SECISBP2: variants seen among roughly 807,000 people sequenced by gnomAD.
SECISBP2 encodes the protein selenocysteine insertion sequence-binding protein 2.
Under a neutral mutation model 98.2 loss-of-function variants are expected in SECISBP2, and 96 were observed. The observed-to-expected ratio is 0.98, with a 90% confidence interval of 0.83 to 1.16. The LOEUF is 1.16. SECISBP2 is among the 50% of genes most tolerant of loss of function. The pLI is 0.00. For synonymous variants in SECISBP2, 407 were observed against 370.2 expected (o/e 1.10, Z -1.14); for missense variants, 1,046 against 1,022.9 (o/e 1.02, Z -0.31).
chr9:89,319,009 T>C lies in SECISBP2; in HGVS notation c.36+397T>C, dbSNP rs1825210091. The C allele has an allele frequency of 2.3e-5, 24 of 1,042,806 alleles. No individual in the cohort carries two copies. The South Asian group carries it at 8.5e-4, about 37-fold the overall frequency. 64.6% of individuals were successfully genotyped at this position (1,042,806 alleles called of 1,614,324 possible). ...CGCTCTACGTACTCAGCATTACCACTAGATGGAGCCCTGGCGATCGCTTGC... is the reference window on the plus strand; with the variant it reads ...CGCTCTACGTACTCAGCATTACCACCAGATGGAGCCCTGGCGATCGCTTGC... On this transcript the variant is annotated intron_variant, in intron 1 of 16. Coordinates refer to ENST00000375807, the MANE Select transcript of SECISBP2 (RefSeq NM_024077.5).
chr9:89,345,498 T>G (rs1170260572), intron 10 of SECISBP2, among the ~76,000 whole-genome samples: 1 of 152,216 alleles, frequency 6.6e-6, no homozygotes, highest in Non-Finnish European at 1.5e-5. Flanking sequence ...TAAGCACTCT[T>G]CGGTTTGTTG....
chr9:89,363,309 G>T (rs1175612731), downstream of SECISBP2: 1 of 1,427,812 alleles, frequency 7.0e-7, no homozygotes, highest in East Asian at 2.4e-5. Context: ...AACTGCTCCG[G>T]GGCTAAGAGG....
chr9:89,332,228 G>GCA (rs140202280), intron 5 of SECISBP2, among the ~76,000 whole-genome samples: 2,631 of 149,634 alleles, frequency 0.018, 56 homozygotes, highest in African/African-American at 0.053. Context: ...CCCCTTGCCT[G>GCA]CACACACACA....
intron 2 of SECISBP2, 117 bp downstream of exon 2, chr9:89,319,914 T>A (rs1175050220): frequency 4.5e-6 from 5 of 1,107,052 alleles, no homozygotes; most frequent in Non-Finnish European, 6.8e-6. Context: ...GAGAGAATGC[T>A]CTTCAACCAA....
At position 89,338,539 on chromosome 9, in the gene SECISBP2, A is replaced by T. The variant is rs1163265771; in HGVS notation, c.1171A>T (p.Lys391Ter). 1 of 1,613,098 alleles carries T rather than the reference A, an allele frequency of 6.2e-7. No individual in the cohort carries two copies. The highest frequency in any genetic ancestry group is 1.1e-5 in the South Asian group (1 of 90,894). The change falls in exon 8 of 17, where the codon AAA (lysine) becomes TAA (stop). Residue 391 changes from lysine (K) to a stop codon, truncating the protein, a stop_gained. Transcript: ENST00000375807. LOFTEE classifies it high-confidence loss of function. ...GAAAAAGAAAGAAAAATCTACATCA[A>T]AATATGAAGTCCTGACAGTTCAAGA... is the stretch of plus-strand genomic sequence containing the variant. The part of the protein sequence containing the change: ...NKKKKEKSTS[K>*]YEVLTVQEPP...
chr9:89,325,807 A>G, intron 3 of SECISBP2, 90 bp from the exon 4 acceptor site: 1 of 1,590,946 alleles, frequency 6.3e-7, no homozygotes, highest in Non-Finnish European at 8.6e-7. Context: ...TTAAAAAATG[A>G]TTGAATTGTG....
At chr9:89,323,870 G>T (rs934050343) in intron 2 of SECISBP2, 3 of 152,210 alleles carry the variant, frequency 2.0e-5, no homozygotes, top group African/African-American at 7.2e-5. Context: ...TGAGGGGACA[G>T]AAACCCAAAT....
intron 12 of SECISBP2, among the ~76,000 whole-genome samples, chr9:89,348,826 T>C (rs1830827941): frequency 6.6e-6 from 1 of 152,282 alleles, no homozygotes; most frequent in South Asian, 2.1e-4. Flanking sequence ...TTTGTCCCCT[T>C]TCCTTCAGCC....
chr9:89,346,916 A>G lies in SECISBP2; in HGVS notation c.1470A>G (p.Ala490=), dbSNP rs1830500779. ...GAVPVLSKEC[A]SGERGRRMSQ... is the part of the protein sequence containing the mutation. ...TGCCAGTCCTTTCCAAAGAATGTGC[A>G]TCAGGGGAGAGAGGCCGCCGCATGA... Residue 490 remains alanine, a synonymous_variant, in exon 11 of 17, where the codon GCA becomes GCG. Coordinates refer to ENST00000375807, the MANE Select transcript of SECISBP2 (RefSeq NM_024077.5). 4 of 1,614,178 alleles carry G rather than the reference A, an allele frequency of 2.5e-6. No homozygotes were observed. Among genetic ancestry groups the G allele is most frequent in the African/African-American group, 2.7e-5 (2 of 75,046 alleles).
downstream of SECISBP2, chr9:89,361,242 G>GTGA (rs1832736810): frequency 6.6e-6 from 1 of 152,220 alleles, no homozygotes; most frequent in African/African-American, 2.4e-5. Flanking sequence ...GACACCTGTT[G>GTGA]TGATGGATCC....
At chr9:89,331,850 ATGTG>A (rs1390281819) in intron 5 of SECISBP2, among the ~76,000 whole-genome samples, 6 of 152,184 alleles carry the variant, frequency 3.9e-5, no homozygotes, top group African/African-American at 1.4e-4. Flanking sequence ...CCACAATACT[ATGTG>A]TGGTGTGATT....
At chr9:89,360,869 A>G (rs1296260611), downstream of SECISBP2, 1 of 152,250 alleles carries the variant, frequency 6.6e-6, no homozygotes, top group Non-Finnish European at 1.5e-5. Flanking sequence ...TCCATTTCCC[A>G]GTAGAACACT....
intron 10 of SECISBP2, among the ~76,000 whole-genome samples, chr9:89,342,614 G>A (rs1164873805): frequency 6.6e-6 from 1 of 152,190 alleles, no homozygotes; most frequent in East Asian, 1.9e-4. Flanking sequence ...TCTTATACAT[G>A]ATACAACATG....
chr9:89,335,217 A>G (rs1828454604), intron 7 of SECISBP2, among the ~76,000 whole-genome samples: 1 of 139,312 alleles, frequency 7.2e-6, no homozygotes, highest in Admixed American at 7.1e-5. Flanking sequence ...CGTCGTCTGA[A>G]AAAAAAAAAA....
At chr9:89,340,038 C>A in intron 9 of SECISBP2, 85 bp downstream of exon 9, 1 of 954,618 alleles carries the variant, frequency 1.0e-6, no homozygotes, top group Admixed American at 1.8e-5. Flanking sequence ...GCTTTCCAGA[C>A]ATTTCTGTAT....
intron 16 of SECISBP2, 69 bp downstream of exon 16, chr9:89,358,260 C>CT: frequency 6.7e-7 from 1 of 1,487,338 alleles, no homozygotes; most frequent in African/African-American, 1.4e-5. Context: ...TTAGGAGTCC[C>CT]TAGGTGAGCA....
chr9:89,356,579 C>G (rs1030950878), intron 14 of SECISBP2: 4 of 152,138 alleles, frequency 2.6e-5, no homozygotes, highest in Non-Finnish European at 5.9e-5. Flanking sequence ...CTTGCCTCCG[C>G]TTCCTGAGTA....
Position 89,339,939 on chromosome 9 carries a change from A to C in SECISBP2, c.1288A>C (p.Lys430Gln). 1 of 1,612,036 alleles carries C rather than the reference A, an allele frequency of 6.2e-7. No homozygotes were observed. Among genetic ancestry groups the C allele is most frequent in the Non-Finnish European group, 8.5e-7 (1 of 1,178,296 alleles). The change falls in exon 9 of 17, where the codon AAG becomes CAG. Residue 430 changes from lysine (K) to glutamine (Q), a missense_variant. By Grantham distance (53) the Lys-to-Gln change is moderately conservative. Coordinates refer to ENST00000375807, the MANE Select transcript of SECISBP2 (RefSeq NM_024077.5). The part of the protein sequence containing the change: ...DRIETPKFQS[K>Q]QQPQDNFKNN... ...AATAGAGACACCGAAATTTCAATCT[A>C]AGCAGCAGCCACAGGTAATTTTTAG...
Position 89,346,937 on chromosome 9 carries a change from C to T in SECISBP2, c.1491C>T (p.Arg497=). The part of the protein sequence containing the change: ...KECASGERGR[R]MSQMKTPHNP... ...GTGCATCAGGGGAGAGAGGCCGCCG[C>T]ATGAGTCAAATGAAGACCCCGCACA... Residue 497 remains arginine (R), a synonymous_variant, in exon 11 of 17, where the codon CGC becomes CGT. Coordinates refer to ENST00000375807, the MANE Select transcript of SECISBP2 (RefSeq NM_024077.5). The T allele has an allele frequency of 6.2e-7, 1 of 1,614,164 alleles. No individual in the cohort carries two copies. Among genetic ancestry groups the T allele is most frequent in the Non-Finnish European group, 8.5e-7 (1 of 1,180,032 alleles).
Sources: allele counts gnomAD v4.1 joint callset (sites outside exome capture counted in the v4.1 genomes callset), GRCh38; gene constraint gnomAD v4.1.1; transcripts MANE v1.5; gene names NCBI Gene and HGNC (gene_info 2026-07-23, HGNC 2026-07-21).